The following PSG9 variants were observed in gnomAD, a reference collection of about 807,000 sequenced individuals.
PSG9 encodes pregnancy-specific beta-1-glycoprotein 9.
PSG9 carries 49 observed loss-of-function variants against 41.9 expected under a neutral mutation model. The observed-to-expected ratio is 1.17, with a 90% CI of 0.93 to 1.48. The LOEUF is 1.48. PSG9 is among the 40% of genes most tolerant of loss of function. PSG9 has a pLI of 0.00. For missense variants in PSG9, 641 were observed against 520.3 expected (o/e 1.23, Z -2.26); for synonymous variants, 263 against 196.8 (o/e 1.34, Z -2.82).
chr19:43,262,227 TCTC>T, intron 2 of PSG9, 89 bp from the exon 3 acceptor site: 1 of 1,547,210 alleles, frequency 6.5e-7, no homozygotes, highest in Non-Finnish European at 8.7e-7. Flanking sequence ...ATTTCCCACC[TCTC>T]AGCCCAACCC....
chr19:43,263,359 G>T (rs1445075324), intron 2 of PSG9, among the ~76,000 whole-genome samples: 1 of 151,916 alleles, frequency 6.6e-6, no homozygotes, highest in African/African-American at 2.4e-5. Flanking sequence ...TTTTATTTTG[G>T]AATATTTGCA....
intron 2 of PSG9, among the ~76,000 whole-genome samples, chr19:43,266,354 G>C (rs191407549): frequency 0.047 from 7,113 of 151,216 alleles, 303 homozygotes; most frequent in Admixed American, 0.11. Flanking sequence ...GATTCTGCAT[G>C]CAAATTCAGT....
At chr19:43,263,619 A>C (rs1968831520) in intron 2 of PSG9, among the ~76,000 whole-genome samples, 1 of 152,050 alleles carries the variant, frequency 6.6e-6, no homozygotes, top group Admixed American at 6.6e-5. Context: ...TGGAGGAAAC[A>C]TTAAAATGTT....
chr19:43,269,156 C>T (rs1969128378), intron 1 of PSG9, among the ~76,000 whole-genome samples: 1 of 151,982 alleles, frequency 6.6e-6, no homozygotes, highest in African/African-American at 2.4e-5. Context: ...AGGAGTACAC[C>T]ACCATACCTG....
chr19:43,254,463 T>C (rs1314286392), intron 5 of PSG9, among the ~76,000 whole-genome samples: 2 of 146,364 alleles, frequency 1.4e-5, no homozygotes, highest in African/African-American at 5.2e-5. Flanking sequence ...CATTGCAATT[T>C]TCAGGTAAGG....
chr19:43,258,948 A>C lies in PSG9; in HGVS notation c.897T>G (p.Ser299Arg), dbSNP rs1968575238. 6.3e-7 allele frequency: 1 copy of C among 1,590,090 alleles called. No homozygotes were observed. The highest frequency in any genetic ancestry group is 8.5e-7 in the Non-Finnish European group (1 of 1,174,330). ...AGGGTCCTGTTTCATTTCTCGTGACACTGGGTAGAATGAGTATCCTGTTTT... is the reference window on the plus strand; with the variant it reads ...AGGGTCCTGTTTCATTTCTCGTGACCCTGGGTAGAATGAGTATCCTGTTTT... ...PIENRILILPSVTRNETGPYQ... is the reference protein window; with the variant it reads ...PIENRILILPRVTRNETGPYQ... The change falls in exon 4 of 6, where the codon AGT (serine) becomes AGG (arginine). Residue 299 changes from serine (S) to arginine (R), a missense_variant. By Grantham distance (110) the Ser-to-Arg change is moderately radical (BLOSUM62 -1). Coordinates refer to ENST00000270077, the MANE Select transcript of PSG9 (RefSeq NM_002784.5).
At position 43,257,667 on chromosome 19, in the gene PSG9, C is replaced by T. The variant is rs556910011; in HGVS notation, c.1243+535G>A. On this transcript the variant is annotated intron_variant, in intron 5 of 5. Coordinates refer to ENST00000270077, the MANE Select transcript of PSG9 (RefSeq NM_002784.5). ...CACCAGGGCCCTTTCTACACACACG[C>T]TAGTCCCACCCCAGGTTGAGTGAGG... The T allele has an allele frequency of 2.4e-4, 259 of 1,066,090 alleles. 37 individuals are homozygous for T. The African/African-American group carries it at 4.3e-3, about 18-fold the overall frequency. 66.0% of individuals were successfully genotyped at this position (1,066,090 alleles called of 1,614,324 possible). A position where few individuals can be genotyped will look rare whatever the true frequency, so the allele number is the denominator to read the frequency against.
Position 43,259,392 on chromosome 19 carries a change from A to G in PSG9, c.710-257T>C, listed in dbSNP as rs4028434. 6.4e-5 allele frequency: 41 copies of G among 636,302 alleles called. 2 individuals are homozygous for G. Among genetic ancestry groups the G allele is most frequent in the Admixed American group, 1.7e-4 (5 of 28,900 alleles). 39.4% of individuals were successfully genotyped at this position (636,302 alleles called of 1,614,324 possible). ...GCAGTGTTGGGTCATGGACAGACAC[A>G]TCAGTGGGAGTCACAGCCCCTGGTA... On this transcript the variant is annotated intron_variant, in intron 3 of 5. Transcript: ENST00000270077.
rs1599843523 is a variant in PSG9 at position 43,268,128 on chromosome 19, T to C, written c.86A>G (p.Asn29Ser). 3 of 1,608,164 alleles carry C rather than the reference T, an allele frequency of 1.9e-6. No homozygotes were observed. Among genetic ancestry groups the C allele is most frequent in the Non-Finnish European group, 1.7e-6 (2 of 1,177,158 alleles). ...LLTASLLNFW[N>S]PPTTAEVTIE... ...CGTGACTTCGGCAGTGGTGGGCGGGTTCCAGAAGTTTAAAAGTGATGCTAG... is the reference window on the plus strand; with the variant it reads ...CGTGACTTCGGCAGTGGTGGGCGGGCTCCAGAAGTTTAAAAGTGATGCTAG... The change falls in exon 2 of 6, where the codon AAC (asparagine) becomes AGC (serine). Residue 29 changes from asparagine (N) to serine (S), a missense_variant. Coordinates refer to ENST00000270077, the MANE Select transcript of PSG9 (RefSeq NM_002784.5).
At chr19:43,263,236 C>A (rs905050690) in intron 2 of PSG9, among the ~76,000 whole-genome samples, 1 of 152,032 alleles carries the variant, frequency 6.6e-6, no homozygotes, top group African/African-American at 2.4e-5. Flanking sequence ...TCCAGTTATG[C>A]AGGATGAGGA....
chr19:43,267,439 T>G (rs1969024428), intron 2 of PSG9, among the ~76,000 whole-genome samples: 1 of 152,006 alleles, frequency 6.6e-6, no homozygotes, highest in South Asian at 2.1e-4. Flanking sequence ...ATCTCAGGGG[T>G]CCCCTCAAGC....
At position 43,261,943 on chromosome 19, in the gene PSG9, T is replaced by A. The variant is rs149501197; in HGVS notation, c.626A>T (p.Lys209Met). The A allele has an allele frequency of 5.0e-6, 8 of 1,614,044 alleles. No individual in the cohort carries two copies. The Admixed American group carries it at 1.3e-4, about 27-fold the overall frequency. The change falls in exon 3 of 6, where the codon AAG becomes ATG. Residue 209 changes from lysine to methionine, a missense_variant. Coordinates refer to ENST00000270077, the MANE Select transcript of PSG9 (RefSeq NM_002784.5). ...ACATTCATAGGGTCCTGCAATATAC[T>A]TTGTGACACCAAATAGATAGAGGGT... Reference protein sequence around the residue: ...NRTLYLFGVTKYIAGPYECEI... With the variant: ...NRTLYLFGVTMYIAGPYECEI...
rs1968744816 is a variant in PSG9 at position 43,262,040 on chromosome 19, T to C, written c.529A>G (p.Ser177Gly). ...LICDPETLDA[S>G]YLWWMNGQSL... ...TGACCATTCATCCACCATAGGTAGC[T>C]TGCGTCCAGAGTCTCAGGATCACAG... Residue 177 changes from serine to glycine, a missense_variant, in exon 3 of 6, where the codon AGC becomes GGC. Transcript: ENST00000270077. The C allele has an allele frequency of 6.2e-7, 1 of 1,614,032 alleles. No individual in the cohort carries two copies. The highest frequency in any genetic ancestry group is 1.7e-5 in the Admixed American group (1 of 60,014).
At chr19:43,267,074 A>T (rs1409589612) in intron 2 of PSG9, among the ~76,000 whole-genome samples, 1 of 152,140 alleles carries the variant, frequency 6.6e-6, no homozygotes, top group East Asian at 1.9e-4. Flanking sequence ...TACCAGGTAC[A>T]TCTTCTCCCT....
rs371058038 is a variant in PSG9, at chr19:43,268,156, G to C, written c.65-7C>G. 1.9e-6 allele frequency: 3 copies of C among 1,590,620 alleles called. No homozygotes were observed. Among genetic ancestry groups the C allele is most frequent in the African/African-American group, 1.4e-5 (1 of 74,026 alleles). ...CAGAAGTTTAAAAGTGATGCTAGGA[G>C]GGGGAGACAGCATCAGTTAATATTG... is the stretch of plus-strand genomic sequence containing the variant. On this transcript the variant is annotated splice_polypyrimidine_tract_variant and splice_region_variant and intron_variant, in intron 1 of 5. Transcript: ENST00000270077.
chr19:43,267,878 G>A lies in PSG9; in HGVS notation c.336C>T (p.Val112=). 1 of 1,613,804 alleles carries A rather than the reference G, an allele frequency of 6.2e-7. No homozygotes were observed. The highest frequency in any genetic ancestry group is 1.1e-5 in the South Asian group (1 of 91,058). ...TGTAGGTTCCTGCATCCTTCCGGGTGACATTCTGGATCAGCAGGGATGCGT... is the reference window on the plus strand; with the variant it reads ...TGTAGGTTCCTGCATCCTTCCGGGTAACATTCTGGATCAGCAGGGATGCGT... ...YSNASLLIQN[V]TRKDAGTYTL... Residue 112 remains valine, a synonymous_variant, in exon 2 of 6, where the codon GTC becomes GTT. Coordinates refer to ENST00000270077, the MANE Select transcript of PSG9 (RefSeq NM_002784.5).
At chr19:43,269,050 G>C (rs1017207416) in intron 1 of PSG9, among the ~76,000 whole-genome samples, 1 of 151,898 alleles carries the variant, frequency 6.6e-6, no homozygotes, top group Non-Finnish European at 1.5e-5. Flanking sequence ...TGTCGCCCAG[G>C]CTGGCGTGCA....
chr19:43,255,249 C>T (rs1968406863), intron 5 of PSG9, among the ~76,000 whole-genome samples: 1 of 146,406 alleles, frequency 6.8e-6, no homozygotes, highest in African/African-American at 2.6e-5. Flanking sequence ...CCTAGAACCA[C>T]ACAAAAATAT....
rs968919673 is a variant in PSG9 at position 43,253,318 on chromosome 19, C to T, written c.*291G>A. On this transcript the variant is annotated 3_prime_UTR_variant, in exon 6 of 6. Coordinates refer to ENST00000270077, the MANE Select transcript of PSG9 (RefSeq NM_002784.5). Reference sequence around the variant, plus strand: ...GTGCAAATAACTTTATTACCATAAACCTATGAATACTCATGAATAGTTTCA... The same window carrying T: ...GTGCAAATAACTTTATTACCATAAATCTATGAATACTCATGAATAGTTTCA... 2 of 266,146 alleles carry T rather than the reference C, an allele frequency of 7.5e-6. No homozygotes were observed. The highest frequency in any genetic ancestry group is 1.2e-4 in the South Asian group (2 of 16,668). 16.5% of individuals were successfully genotyped at this position (266,146 alleles called of 1,614,324 possible). A position where few individuals can be genotyped will look rare whatever the true frequency, so the allele number is the denominator to read the frequency against.
Sources: allele counts gnomAD v4.1 joint callset (sites outside exome capture counted in the v4.1 genomes callset), GRCh38; gene constraint gnomAD v4.1.1; transcripts MANE v1.5; gene names NCBI Gene and HGNC (gene_info 2026-07-23, HGNC 2026-07-21).